Variants in STARD13 observed in about 807,000 individuals in gnomAD.
The protein encoded by STARD13 is StAR related lipid transfer domain containing 13, also known as stAR-related lipid transfer protein 13.
Under a neutral mutation model 106.4 loss-of-function variants are expected in STARD13, and 62 were observed. That is an observed-to-expected ratio of 0.58 (90% CI 0.48 to 0.72). The LOEUF (loss-of-function observed/expected upper bound fraction) is 0.72. Among genes scored for constraint, STARD13 ranks in the 30% least tolerant of loss-of-function variants. The pLI, the probability that STARD13 is intolerant of heterozygous loss-of-function variation, is 0.00. For missense variants in STARD13, 1,387 were observed against 1,424.0 expected, an observed-to-expected ratio of 0.97 and a Z score of 0.42; for synonymous variants, 565 against 553.0, an observed-to-expected ratio of 1.02 and a Z score of -0.31.
At chr13:33,475,301 G>A in the STARD13 span, among the ~76,000 whole-genome samples, 4 of 152,146 alleles carry the variant, frequency 2.6e-5, no homozygotes, top group East Asian at 1.9e-4. Context: ...TATGTAAAAT[G>A]TGCCAAAGAA....
the STARD13 span, among the ~76,000 whole-genome samples, chr13:33,471,267 G>A: frequency 2.0e-5 from 3 of 152,118 alleles, no homozygotes; most frequent in African/African-American, 7.2e-5. Context: ...AATTGCCCTA[G>A]CCATGTAGCC....
the STARD13 span, among the ~76,000 whole-genome samples, chr13:33,428,267 C>G: frequency 4.6e-5 from 7 of 152,180 alleles, no homozygotes; most frequent in African/African-American, 1.7e-4. Context: ...TTGGTCTATG[C>G]AAGGATTTTT....
At chr13:33,145,918 C>T (rs1472706588) in intron 3 of STARD13, among the ~76,000 whole-genome samples, 2 of 152,186 alleles carry the variant, frequency 1.3e-5, no homozygotes, top group African/African-American at 4.8e-5. Context: ...GGCATGGTGG[C>T]TCATGCCTGT....
chr13:33,154,449 T>A lies in STARD13; in HGVS notation c.323+10888A>T, dbSNP rs114173110. Among the ~76,000 whole-genome samples, 936 of 152,334 alleles carry A rather than the reference T, an allele frequency of 6.1e-3. 16 individuals are homozygous for A. Among genetic ancestry groups the A allele is most frequent in the African/African-American group, 0.021 (858 of 41,570 alleles). On this transcript the variant is annotated intron_variant, in intron 3 of 13. Coordinates refer to ENST00000336934, the MANE Select transcript of STARD13 (RefSeq NM_178006.4). ...CAAAGAAAATTAAGTATATGTATGCTGTCCAGGGACACGATATCTATGTGG... is the reference window on the plus strand; with the variant it reads ...CAAAGAAAATTAAGTATATGTATGCAGTCCAGGGACACGATATCTATGTGG...
At chr13:33,516,060 T>C in the STARD13 span, among the ~76,000 whole-genome samples, 2 of 151,206 alleles carry the variant, frequency 1.3e-5, no homozygotes, top group Non-Finnish European at 2.9e-5. Context: ...TTTTTATATA[T>C]ATATCCACAT....
the STARD13 span, among the ~76,000 whole-genome samples, chr13:33,663,459 A>C: frequency 6.6e-6 from 1 of 152,208 alleles, no homozygotes; most frequent in Non-Finnish European, 1.5e-5. Context: ...TTGAAATAGT[A>C]ATAGTATGCA....
chr13:33,635,395 C>T, the STARD13 span, among the ~76,000 whole-genome samples: 13 of 152,304 alleles, frequency 8.5e-5, no homozygotes, highest in African/African-American at 3.1e-4. Context: ...TGTGGTGGCT[C>T]ACGCCTGTAA....
the STARD13 span, among the ~76,000 whole-genome samples, chr13:33,551,568 C>CTTTTTTTTT: frequency 0.015 from 694 of 44,794 alleles, 340 homozygotes; most frequent in East Asian, 0.041. Context: ...TTTGCTTTTC[C>CTTTTTTTTT]CTTTTTTTTT....
chr13:33,442,003 C>G, the STARD13 span, among the ~76,000 whole-genome samples: 1 of 152,294 alleles, frequency 6.6e-6, no homozygotes, highest in East Asian at 1.9e-4. Flanking sequence ...TATTTTTAAA[C>G]TAATATCAGT....
At chr13:33,134,182 G>A (rs188266236) in intron 4 of STARD13, among the ~76,000 whole-genome samples, 5 of 152,058 alleles carry the variant, frequency 3.3e-5, no homozygotes, top group Admixed American at 2.6e-4. Context: ...GCTACACAAC[G>A]GGGTCCAATC....
At chr13:33,544,632 AG>A in the STARD13 span, among the ~76,000 whole-genome samples, 1 of 152,184 alleles carries the variant, frequency 6.6e-6, no homozygotes, top group African/African-American at 2.4e-5. Context: ...CGTGAAAAGA[AG>A]AAAAAAAAGA....
chr13:33,295,488 A>G (rs931259050), intron 1 of STARD13, among the ~76,000 whole-genome samples: 1 of 152,236 alleles, frequency 6.6e-6, no homozygotes, highest in Admixed American at 6.5e-5. Context: ...ACAGAGACAA[A>G]GTCCCTAACT....
At chr13:33,349,020 G>A (rs2078044135) in exon 2 of STARD13, 1 of 662,668 alleles carries the variant, frequency 1.5e-6, no homozygotes, top group Non-Finnish European at 2.8e-6. Context: ...GGATGTGGGT[G>A]CATGGGTTTA....
chr13:33,340,326 C>G (rs1163012537), intron 1 of STARD13, among the ~76,000 whole-genome samples: 3 of 152,172 alleles, frequency 2.0e-5, no homozygotes, highest in Non-Finnish European at 4.4e-5. Context: ...ACCTCAGCCT[C>G]CCAAGTAGGA....
At chr13:33,357,269 C>A in the STARD13 span, among the ~76,000 whole-genome samples, 1 of 152,216 alleles carries the variant, frequency 6.6e-6, no homozygotes, top group South Asian at 2.1e-4. Flanking sequence ...ACCCTTGTCA[C>A]CTTCCATGGG....
the STARD13 span, among the ~76,000 whole-genome samples, chr13:33,673,277 C>G: frequency 6.6e-6 from 1 of 152,124 alleles, no homozygotes; most frequent in Non-Finnish European, 1.5e-5. Context: ...ACCTATTTTA[C>G]TATTATTTAA....
chr13:33,166,487 C>G (rs571574477), intron 2 of STARD13, among the ~76,000 whole-genome samples: 1 of 152,094 alleles, frequency 6.6e-6, no homozygotes, highest in African/African-American at 2.4e-5. Flanking sequence ...CACTGTGCAC[C>G]GTTCCTCGTG....
At chr13:33,376,190 T>C in the STARD13 span, among the ~76,000 whole-genome samples, 16 of 152,138 alleles carry the variant, frequency 1.1e-4, no homozygotes, top group African/African-American at 3.6e-4. Context: ...GACATAAAGA[T>C]GAGTTAGGCT....
chr13:33,509,697 T>C, the STARD13 span, among the ~76,000 whole-genome samples: 1 of 152,140 alleles, frequency 6.6e-6, no homozygotes, highest in Non-Finnish European at 1.5e-5. Flanking sequence ...GTAGGGAGTA[T>C]CCAAGAAATT....
Sources: allele counts gnomAD v4.1 joint callset (sites outside exome capture counted in the v4.1 genomes callset), GRCh38; gene constraint gnomAD v4.1.1; transcripts MANE v1.5; gene names NCBI Gene and HGNC (gene_info 2026-07-23, HGNC 2026-07-21).